Variants in OSBPL5 observed in about 807,000 individuals in gnomAD.
The protein encoded by OSBPL5 is oxysterol binding protein like 5.
A neutral mutation model predicts 111.2 loss-of-function variants in OSBPL5; 71 were observed. The observed-to-expected ratio is 0.64, with a 90% CI of 0.53 to 0.78. OSBPL5 has a LOEUF of 0.78. OSBPL5 is among the 30% of genes least tolerant of loss of function. OSBPL5 has a pLI of 0.00. For synonymous variants in OSBPL5, 549 were observed against 513.9 expected, an observed-to-expected ratio of 1.07 and a Z score of -0.93; for missense variants, 1,210 against 1,189.3, an observed-to-expected ratio of 1.02 and a Z score of -0.26.
Position 3,107,819 on chromosome 11 carries a change from C to T in OSBPL5, c.818G>A (p.Cys273Tyr). 2 of 1,612,554 alleles carry T rather than the reference C, an allele frequency of 1.2e-6. No individual in the cohort carries two copies. Among genetic ancestry groups the T allele is most frequent in the South Asian group, 1.1e-5 (1 of 91,080 alleles). Residue 273 changes from cysteine to tyrosine, a missense_variant, in exon 8 of 22, where the codon TGT (cysteine) becomes TAT (tyrosine). Cys to Tyr is a radical substitution (Grantham distance 194). Transcript: ENST00000263650. The surrounding 1 kb of genome is among the most constrained non-coding windows in gnomAD (Gnocchi z 6.1). ...GACGGTGGCTGAGGCTGGCAGCCCA[C>T]AGAGCGATGAGGGTGATGCGTCTGG... ...TSPDASPSSLCGLPASATVHP... is the reference protein window; with the variant it reads ...TSPDASPSSLYGLPASATVHP...
rs1373896974 is a variant in OSBPL5 at position 3,140,336 on chromosome 11, G to C, written c.-21-11167C>G. 6.6e-6 allele frequency among the ~76,000 whole-genome samples: 1 copy of C among 152,166 alleles called. No individual in the cohort carries two copies. The highest frequency in any genetic ancestry group is 2.4e-5 in the African/African-American group (1 of 41,438). On this transcript the variant is annotated intron_variant, in intron 1 of 21. Coordinates refer to ENST00000263650, the MANE Select transcript of OSBPL5 (RefSeq NM_020896.4). The surrounding 1 kb of genome is among the most constrained non-coding windows in gnomAD (Gnocchi z 4.5). ...GACACACACAGCCAAGCTCTCCCCT[G>C]TATCCCTCAGGTGCTGGACAGGCAG...
chr11:3,090,870 T>TCCAGGCCATGCC, intron 19 of OSBPL5, 174 bp from the exon 20 acceptor site: 1 of 805,464 alleles, frequency 1.2e-6, no homozygotes, highest in Non-Finnish European at 1.9e-6. Flanking sequence ...CGGCATGGCC[T>TCCAGGCCATGCC]GGAGTAGCCA....
chr11:3,136,024 G>A lies in OSBPL5; in HGVS notation c.-21-6855C>T, dbSNP rs913141975. ...GACCCCTTCCACCACTGGGAGACAAGAGGTCCCATGTGGTGCCAGCCCAGA... is the reference window on the plus strand; with the variant it reads ...GACCCCTTCCACCACTGGGAGACAAAAGGTCCCATGTGGTGCCAGCCCAGA... On this transcript the variant is annotated intron_variant, in intron 1 of 21. Coordinates refer to ENST00000263650, the MANE Select transcript of OSBPL5 (RefSeq NM_020896.4). Among the ~76,000 whole-genome samples, 3 of 152,228 alleles carry A rather than the reference G, an allele frequency of 2.0e-5. No individual in the cohort carries two copies. In the East Asian group the frequency reaches 5.8e-4, roughly 29 times the overall value.
At position 3,093,310 on chromosome 11, in the gene OSBPL5, T is replaced by C. The variant is rs1857128938; in HGVS notation, c.1946+217A>G. 3 of 812,094 alleles carry C rather than the reference T, an allele frequency of 3.7e-6. No individual in the cohort carries two copies. In the Middle Eastern group the frequency reaches 1.1e-3, roughly 307 times the overall value. The allele number at this position is 812,094 out of a possible 1,614,324, so 50.3% of individuals were successfully genotyped here. A position where few individuals can be genotyped will look rare whatever the true frequency, so the allele number is the denominator to read the frequency against. On this transcript the variant is annotated intron_variant, in intron 17 of 21. Transcript: ENST00000263650. ...TGGTCACTCGCCGGCAGTGATGCAG[T>C]GAGAGGTCACGGCAGCCGGCTCCTC...
intron 10 of OSBPL5, among the ~76,000 whole-genome samples, chr11:3,103,756 G>GCTCTGCAGCCCCATTCCTGC (rs1857557952): frequency 1.9e-4 from 11 of 56,800 alleles, no homozygotes; most frequent in Non-Finnish European, 3.8e-4. Flanking sequence ...CCCTCTTCCA[G>GCTCTGCAGCCCCATTCCTGC]CTCTGCAGCC....
intron 12 of OSBPL5, 66 bp downstream of exon 12, chr11:3,102,117 C>T (rs923024834): frequency 2.7e-5 from 40 of 1,491,756 alleles, no homozygotes; most frequent in Middle Eastern, 4.2e-4. Flanking sequence ...GCCAGGGCCC[C>T]GCCCCCACAG....
intron 10 of OSBPL5, among the ~76,000 whole-genome samples, chr11:3,103,951 G>A (rs574292199): frequency 6.8e-6 from 1 of 146,892 alleles, no homozygotes; most frequent in African/African-American, 2.5e-5. Context: ...GAGGGTGCAG[G>A]GCTCAGGGTG....
chr11:3,145,653 G>C (rs11025599), intron 1 of OSBPL5, among the ~76,000 whole-genome samples: 1 of 152,100 alleles, frequency 6.6e-6, no homozygotes, highest in South Asian at 2.1e-4. Flanking sequence ...CTGCTTCCTG[G>C]AGGACATTCA....
intron 7 of OSBPL5, among the ~76,000 whole-genome samples, chr11:3,118,692 C>T (rs572855210): frequency 1.3e-5 from 2 of 151,372 alleles, no homozygotes; most frequent in South Asian, 4.2e-4. Flanking sequence ...TTGCCTCAGC[C>T]TCCTGAGTAG....
intron 1 of OSBPL5, among the ~76,000 whole-genome samples, chr11:3,134,814 G>C (rs967239773): frequency 7.0e-6 from 1 of 142,960 alleles, no homozygotes; most frequent in African/African-American, 2.6e-5. Flanking sequence ...GGGTGGGGGT[G>C]ATCCTGTGAC....
intron 7 of OSBPL5, among the ~76,000 whole-genome samples, chr11:3,112,100 T>TGC (rs1336400996): frequency 1.4e-3 from 158 of 116,080 alleles, no homozygotes; most frequent in East Asian, 7.6e-3. Flanking sequence ...TGTGTGTGCA[T>TGC]ATGTGTGTGT....
chr11:3,112,071 G>T (rs1229543562), intron 7 of OSBPL5, among the ~76,000 whole-genome samples: 1 of 58,588 alleles, frequency 1.7e-5, no homozygotes, highest in Non-Finnish European at 3.2e-5. Flanking sequence ...GTATGTGTGT[G>T]TGCATGTGTG....
intron 1 of OSBPL5, among the ~76,000 whole-genome samples, chr11:3,131,826 T>TCC (rs1564850285): frequency 1.3e-3 from 89 of 66,012 alleles, no homozygotes; most frequent in African/African-American, 7.3e-3. Context: ...TCCATCCATC[T>TCC]ACCCACTCAT....
rs1022405627 is a variant in OSBPL5, at chr11:3,121,421, A to C, written c.402+576T>G. ...TCTCATTCTAAATACTCACTTTTGC[A>C]CCTAACTTTTGATTCATCATTTTGG... On this transcript the variant is annotated intron_variant, in intron 5 of 21. Transcript: ENST00000263650. The surrounding 1 kb of genome is among the most constrained non-coding windows in gnomAD (Gnocchi z 4.3). 5.3e-5 allele frequency among the ~76,000 whole-genome samples: 8 copies of C among 151,690 alleles called. No homozygotes were observed. Among genetic ancestry groups the C allele is most frequent in the Non-Finnish European group, 1.2e-4 (8 of 67,962 alleles).
chr11:3,161,588 A>G lies in OSBPL5; in HGVS notation c.-22+3628T>C, dbSNP rs1846968768. Among the ~76,000 whole-genome samples the G allele has an allele frequency of 6.6e-6, 1 of 152,222 alleles. No individual in the cohort carries two copies. Among genetic ancestry groups the G allele is most frequent in the African/African-American group, 2.4e-5 (1 of 41,468 alleles). ...CCCCTGGGAAGAGAGCCCGGAGCAG[A>G]CTTGCAGGCAACCGTGCATGGGGAC... On this transcript the variant is annotated intron_variant, in intron 1 of 21. Coordinates refer to ENST00000263650, the MANE Select transcript of OSBPL5 (RefSeq NM_020896.4). This position sits in a 1 kb window ranked among gnomAD's most constrained non-coding sequence, Gnocchi z 8.0.
intron 14 of OSBPL5, among the ~76,000 whole-genome samples, chr11:3,097,013 GACGGGA>G (rs1304569920): frequency 1.5e-5 from 2 of 137,710 alleles, no homozygotes; most frequent in African/African-American, 2.7e-5. Flanking sequence ...AGAGGGGGAA[GACGGGA>G]GGGGGAGGAG....
Position 3,126,410 on chromosome 11 carries a change from C to T in OSBPL5, c.219+63G>A, listed in dbSNP as rs1460756113. Reference sequence around the variant, plus strand: ...ACGCCCTGCTGTCCTTTTCCCCAGCCGTTTCCTGCTGTCCCCAGAGCCAGG... The same window carrying T: ...ACGCCCTGCTGTCCTTTTCCCCAGCTGTTTCCTGCTGTCCCCAGAGCCAGG... On this transcript the variant is annotated intron_variant, in intron 3 of 21. Transcript: ENST00000263650. The surrounding 1 kb of genome is among the most constrained non-coding windows in gnomAD (Gnocchi z 6.5). 16 of 1,426,740 alleles carry T rather than the reference C, an allele frequency of 1.1e-5. No individual in the cohort carries two copies. Among genetic ancestry groups the T allele is most frequent in the African/African-American group, 7.2e-5 (5 of 69,736 alleles). 88.4% of individuals were successfully genotyped at this position (1,426,740 alleles called of 1,614,324 possible).
At chr11:3,156,505 G>C (rs11025667) in intron 1 of OSBPL5, among the ~76,000 whole-genome samples, 18,348 of 152,176 alleles carry the variant, frequency 0.12, 1,376 homozygotes, top group East Asian at 0.18. Flanking sequence ...AGCCCGCCTG[G>C]GAGTGTGAGC....
chr11:3,152,689 C>G (rs1225479481), intron 1 of OSBPL5, among the ~76,000 whole-genome samples: 2 of 152,218 alleles, frequency 1.3e-5, no homozygotes. Context: ...TGAACAGAGC[C>G]GGTGCCTGCA....
Sources: gnomAD v4.1 joint callset for allele counts (sites outside exome capture counted in the v4.1 genomes callset) on GRCh38, gnomAD v4.1.1 for gene constraint, Gnocchi (gnomAD v3.1) non-coding constraint, MANE v1.5 for transcripts, NCBI Gene and HGNC (gene_info 2026-07-23, HGNC 2026-07-21) for gene names.